The following FOXP2 variants were observed in gnomAD, a reference collection of about 807,000 sequenced individuals.
FOXP2 encodes forkhead box P2.
A neutral mutation model predicts 115.8 loss-of-function variants in FOXP2; 12 were observed. That is an observed-to-expected ratio of 0.10 (90% CI 0.07 to 0.17). The LOEUF (loss-of-function observed/expected upper bound fraction) is 0.17. FOXP2 is among the 10% of genes least tolerant of loss of function. The pLI, the probability that FOXP2 is intolerant of heterozygous loss-of-function variation, is 1.00. For synonymous variants in FOXP2, 328 were observed against 297.7 expected (o/e 1.10, Z -1.05); for missense variants, 629 against 843.5 (o/e 0.75, Z 3.15).
intron 2 of FOXP2, among the ~76,000 whole-genome samples, chr7:114,509,649 G>T (rs2129260246): frequency 7.6e-6 from 1 of 131,116 alleles, no homozygotes; most frequent in South Asian, 2.6e-4. Context: ...GTACTTGTTT[G>T]TTTTGTTTTG....
chr7:114,567,092 A>G (rs17314741), intron 3 of FOXP2, among the ~76,000 whole-genome samples: 14,149 of 152,128 alleles, frequency 0.093, 710 homozygotes, highest in Middle Eastern at 0.16. Flanking sequence ...TCTACTGATA[A>G]GTTGAAGACA....
intron 1 of FOXP2, among the ~76,000 whole-genome samples, chr7:114,096,477 C>T (rs1799654428): frequency 6.6e-6 from 1 of 152,158 alleles, no homozygotes; most frequent in Admixed American, 6.5e-5. Flanking sequence ...CAAGCCATCC[C>T]TAATCGTACG....
Position 114,460,929 on chromosome 7 carries a change from C to T in FOXP2, c.168+34250C>T, listed in dbSNP as rs371395506. On this transcript the variant is annotated intron_variant, in intron 2 of 16. Transcript: ENST00000350908. ...AGATTTTCATATTTCTTCCTCTATC[C>T]GAATCTTTACCATCCCTCCTTCCTT... 1.3e-4 allele frequency among the ~76,000 whole-genome samples: 20 copies of T among 152,182 alleles called. 1 individual carries two copies. The highest frequency in any genetic ancestry group is 1.0e-3 in the South Asian group (5 of 4,808).
intron 2 of FOXP2, among the ~76,000 whole-genome samples, chr7:114,345,072 A>G (rs934380593): frequency 1.3e-5 from 2 of 151,900 alleles, no homozygotes; most frequent in Admixed American, 6.6e-5. Context: ...CAAGAAATAT[A>G]AAACAATTTT....
At chr7:114,570,726 T>C (rs1801256804) in intron 3 of FOXP2, 1 of 1,065,494 alleles carries the variant, frequency 9.4e-7, no homozygotes. Context: ...AAATGATTTT[T>C]AAAAATGATA....
upstream of FOXP2, among the ~76,000 whole-genome samples, chr7:114,410,532 A>G (rs962771310): frequency 2.6e-5 from 4 of 152,116 alleles, no homozygotes; most frequent in African/African-American, 9.7e-5. Context: ...GCATGTAAAC[A>G]TTCATAATAT....
chr7:114,215,956 G>A (rs888358988), intron 1 of FOXP2, among the ~76,000 whole-genome samples: 1 of 152,138 alleles, frequency 6.6e-6, no homozygotes, highest in African/African-American at 2.4e-5. Context: ...AGATAAAACA[G>A]GCTTCACCTC....
At chr7:114,675,006 A>T (rs913737412) in intron 16 of FOXP2, among the ~76,000 whole-genome samples, 24 of 152,234 alleles carry the variant, frequency 1.6e-4, no homozygotes, top group African/African-American at 5.5e-4. Context: ...TTATATTATT[A>T]GCTTTTTTCT....
At chr7:114,387,676 G>GT (rs2129193449) in intron 2 of FOXP2, among the ~76,000 whole-genome samples, 1 of 152,158 alleles carries the variant, frequency 6.6e-6, no homozygotes, top group South Asian at 2.1e-4. Flanking sequence ...CAGAAAAAGG[G>GT]TATAAACATT....
chr7:114,342,997 G>A (rs1054688715), intron 2 of FOXP2, among the ~76,000 whole-genome samples: 14 of 151,514 alleles, frequency 9.2e-5, no homozygotes, highest in African/African-American at 3.4e-4. Flanking sequence ...TAATTTTAAA[G>A]ATAATTTATA....
In FOXP2 at chr7:114,472,173, T is replaced by C. The variant is rs535448363; in HGVS notation, c.168+45494T>C. ...TCATGGTTTCTTTATGCTACATGCA[T>C]GGAGTTTAAAGATAGATGAAGCCCC... On this transcript the variant is annotated intron_variant, in intron 2 of 16. Coordinates refer to ENST00000350908, the MANE Select transcript of FOXP2 (RefSeq NM_014491.4). 3.3e-5 allele frequency among the ~76,000 whole-genome samples: 5 copies of C among 152,060 alleles called. No homozygotes were observed. In the South Asian group the frequency reaches 1.0e-3, roughly 32 times the overall value.
chr7:114,185,469 C>A (rs1036178721), intron 1 of FOXP2, among the ~76,000 whole-genome samples: 6 of 152,140 alleles, frequency 3.9e-5, no homozygotes, highest in Admixed American at 2.6e-4. Context: ...GAAATTAAAT[C>A]AAACTTTGCA....
At chr7:114,557,253 T>C (rs1336493599) in intron 3 of FOXP2, among the ~76,000 whole-genome samples, 1 of 152,164 alleles carries the variant, frequency 6.6e-6, no homozygotes, top group Middle Eastern at 3.2e-3. Flanking sequence ...TGGTTTAATA[T>C]GTTGTGCCAG....
chr7:114,318,340 G>T (rs2030916), intron 2 of FOXP2, among the ~76,000 whole-genome samples: 87,222 of 146,940 alleles, frequency 0.59, 28,833 homozygotes, highest in South Asian at 0.82. Flanking sequence ...GTACTTCTTC[G>T]CTACAGTATG....
At chr7:114,247,002 C>T (rs1795300951) in intron 1 of FOXP2, among the ~76,000 whole-genome samples, 1 of 152,050 alleles carries the variant, frequency 6.6e-6, no homozygotes, top group Admixed American at 6.6e-5. Flanking sequence ...CTCCAAATGC[C>T]TTTATGTTGA....
intron 1 of FOXP2, among the ~76,000 whole-genome samples, chr7:114,218,996 C>A (rs2129163304): frequency 6.6e-6 from 1 of 152,228 alleles, no homozygotes; most frequent in East Asian, 1.9e-4. Flanking sequence ...AAACCAGCTA[C>A]TATTTTAGCC....
At chr7:114,190,413 C>A (rs1342360659) in intron 1 of FOXP2, among the ~76,000 whole-genome samples, 1 of 152,136 alleles carries the variant, frequency 6.6e-6, no homozygotes, top group Non-Finnish European at 1.5e-5. Flanking sequence ...ATTTCTCCTG[C>A]TCTTGGACAT....
chr7:114,634,428 T>G (rs1805102152), intron 6 of FOXP2, among the ~76,000 whole-genome samples: 1 of 152,016 alleles, frequency 6.6e-6, no homozygotes. Context: ...TTATAAGAAT[T>G]TTGGTAGAAT....
chr7:114,575,657 C>G (rs193195164), intron 3 of FOXP2, among the ~76,000 whole-genome samples: 1 of 151,812 alleles, frequency 6.6e-6, no homozygotes, highest in Non-Finnish European at 1.5e-5. Flanking sequence ...AGCTAAAATA[C>G]GTAAGGAAAA....
Sources: allele counts gnomAD v4.1 joint callset (sites outside exome capture counted in the v4.1 genomes callset), GRCh38; gene constraint gnomAD v4.1.1; transcripts MANE v1.5; gene names NCBI Gene and HGNC (gene_info 2026-07-23, HGNC 2026-07-21).